The following ANKS1A variants were observed in gnomAD, a reference collection of about 807,000 sequenced individuals.
The protein encoded by ANKS1A is ankyrin repeat and SAM domain-containing protein 1A.
A neutral mutation model predicts 120.3 loss-of-function variants in ANKS1A; 55 were observed. The ratio of observed to expected loss-of-function variants is 0.46; its 90% CI spans 0.37 to 0.57. ANKS1A has a LOEUF of 0.57. Among genes scored for constraint, ANKS1A ranks in the 20% least tolerant of loss-of-function variants. The pLI, the probability that ANKS1A is intolerant of heterozygous loss-of-function variation, is 0.00. For synonymous variants in ANKS1A, 590 were observed against 604.7 expected, an observed-to-expected ratio of 0.98 and a Z score of 0.36; for missense variants, 1,123 against 1,480.3, an observed-to-expected ratio of 0.76 and a Z score of 3.96.
Position 35,087,024 on chromosome 6 carries a change from G to T in ANKS1A, c.3376G>T (p.Asp1126Tyr). The T allele has an allele frequency of 1.2e-6, 2 of 1,614,180 alleles. No individual in the cohort carries two copies. The highest frequency in any genetic ancestry group is 1.7e-6 in the Non-Finnish European group (2 of 1,180,014). ...SVSWVVDPKPDSKRSLSTN is the reference protein window; with the variant it reads ...SVSWVVDPKPYSKRSLSTN ...CTCCTGGGTTGTGGACCCCAAACCA[G>T]ACTCTAAGCGGAGCCTCAGCACCAA... Residue 1126 changes from aspartate (D) to tyrosine (Y), a missense_variant, in exon 23 of 24, where the codon GAC becomes TAC. Asp to Tyr is a radical substitution (Grantham distance 160). Around this residue, in one of 3 missense-constraint regions of ANKS1A, gnomAD observed 904 missense variants for 1,130.4 expected, o/e 0.80. Transcript: ENST00000360359.
chr6:34,924,357 A>G (rs565676650), intron 1 of ANKS1A, among the ~76,000 whole-genome samples: 8 of 152,266 alleles, frequency 5.3e-5, no homozygotes, highest in Admixed American at 1.3e-4. Context: ...ATTTGTATAC[A>G]TTCTCTACTC....
At position 35,083,193 on chromosome 6, in the gene ANKS1A, A is replaced by G; in HGVS notation, c.2874A>G (p.Thr958=). The G allele has an allele frequency of 6.2e-7, 1 of 1,614,168 alleles. No individual in the cohort carries two copies. Among genetic ancestry groups the G allele is most frequent in the Non-Finnish European group, 8.5e-7 (1 of 1,180,026 alleles). Residue 958 remains threonine (T), a synonymous_variant, in exon 19 of 24, where the codon ACA becomes ACG. Coordinates refer to ENST00000360359, the MANE Select transcript of ANKS1A (RefSeq NM_015245.3). The part of the protein sequence containing the change: ...GSMLIKDLRG[T]ESTQDACAKM... ...TGCTGATCAAAGATCTGCGAGGGAC[A>G]GAATCCACGCAAGACGCCTGTGCCA...
chr6:35,044,524 C>A lies in ANKS1A; in HGVS notation c.2011-9575C>A, dbSNP rs910405490. ...AGCAGGCCTGAGTTGAGACCCTGTT[C>A]CCTCTCCTCACTTTGGTATTGTCTT... On this transcript the variant is annotated intron_variant, in intron 11 of 23. Coordinates refer to ENST00000360359, the MANE Select transcript of ANKS1A (RefSeq NM_015245.3). The surrounding 1 kb of genome is among the most constrained non-coding windows in gnomAD (Gnocchi z 4.4). Among the ~76,000 whole-genome samples the A allele has an allele frequency of 6.6e-6, 1 of 152,228 alleles. No individual in the cohort carries two copies. The highest frequency in any genetic ancestry group is 1.5e-5 in the Non-Finnish European group (1 of 68,044).
At chr6:35,070,822 T>C in intron 13 of ANKS1A, 1 of 518,812 alleles carries the variant, frequency 1.9e-6, no homozygotes, top group South Asian at 1.7e-5. Flanking sequence ...CCTTTCTTTT[T>C]TCTTTGTGTG....
intron 1 of ANKS1A, among the ~76,000 whole-genome samples, chr6:34,903,762 G>T (rs1027688153): frequency 5.3e-5 from 8 of 152,112 alleles, no homozygotes; most frequent in Non-Finnish European, 1.2e-4. Context: ...TGAGCCACCC[G>T]CCTCGGCCTT....
At chr6:34,968,997 T>C (rs893888217) in intron 2 of ANKS1A, among the ~76,000 whole-genome samples, 3 of 152,236 alleles carry the variant, frequency 2.0e-5, no homozygotes, top group Non-Finnish European at 4.4e-5. Flanking sequence ...TAGAGAACAC[T>C]GTTCCCATAT....
chr6:34,893,003 A>G (rs969885084), intron 1 of ANKS1A, among the ~76,000 whole-genome samples: 1 of 152,212 alleles, frequency 6.6e-6, no homozygotes, highest in Non-Finnish European at 1.5e-5. Flanking sequence ...AGCATTAAGC[A>G]TGTTATAGCA....
chr6:35,085,970 C>T lies in ANKS1A; in HGVS notation c.3303+34C>T, dbSNP rs1777953672. ...GCCCCACTGGCCAAGATCCCCCTCT[C>T]CCTGGCCCCAGGGATTCAAGGGCTC... On this transcript the variant is annotated intron_variant, in intron 22 of 23. Coordinates refer to ENST00000360359, the MANE Select transcript of ANKS1A (RefSeq NM_015245.3). The surrounding 1 kb of genome is among the most constrained non-coding windows in gnomAD (Gnocchi z 4.7). The T allele has an allele frequency of 6.4e-7, 1 of 1,560,664 alleles. No individual in the cohort carries two copies. Among genetic ancestry groups the T allele is most frequent in the Non-Finnish European group, 8.6e-7 (1 of 1,157,612 alleles).
chr6:34,916,780 G>C (rs778160900), intron 1 of ANKS1A, among the ~76,000 whole-genome samples: 1 of 152,034 alleles, frequency 6.6e-6, no homozygotes, highest in Non-Finnish European at 1.5e-5. Context: ...AAAAATAAAG[G>C]CAAAAAATAA....
At chr6:34,900,171 T>G (rs749853526) in intron 1 of ANKS1A, among the ~76,000 whole-genome samples, 1 of 152,206 alleles carries the variant, frequency 6.6e-6, no homozygotes, top group Non-Finnish European at 1.5e-5. Flanking sequence ...AGAGAGAGGT[T>G]AAAGTGACTA....
intron 1 of ANKS1A, among the ~76,000 whole-genome samples, chr6:34,953,373 G>A (rs1770184833): frequency 6.6e-6 from 1 of 152,172 alleles, no homozygotes; most frequent in African/African-American, 2.4e-5. Flanking sequence ...GCTCAACACT[G>A]AATATCAATT....
At chr6:34,932,126 A>C (rs1006327024) in intron 1 of ANKS1A, among the ~76,000 whole-genome samples, 1 of 152,186 alleles carries the variant, frequency 6.6e-6, no homozygotes. Context: ...TCGAGCCTCA[A>C]ATCTGCCTTG....
At chr6:34,949,808 C>T (rs1190028773) in intron 1 of ANKS1A, among the ~76,000 whole-genome samples, 1 of 152,158 alleles carries the variant, frequency 6.6e-6, no homozygotes, top group Non-Finnish European at 1.5e-5. Context: ...TGTGAGCAAG[C>T]TTGTTCTTAG....
At chr6:35,081,392 G>T (rs1043384710) in intron 17 of ANKS1A, among the ~76,000 whole-genome samples, 1 of 152,126 alleles carries the variant, frequency 6.6e-6, no homozygotes, top group African/African-American at 2.4e-5. Context: ...AGCTGCTGGG[G>T]CCACTCCTGT....
intron 10 of ANKS1A, among the ~76,000 whole-genome samples, chr6:35,000,059 AC>A (rs1384951872): frequency 6.6e-6 from 1 of 152,146 alleles, no homozygotes; most frequent in Non-Finnish European, 1.5e-5. Flanking sequence ...TAAATTTGAA[AC>A]CTATAATTGA....
chr6:35,017,209 G>A (rs1191427445), intron 10 of ANKS1A, among the ~76,000 whole-genome samples: 4 of 152,142 alleles, frequency 2.6e-5, no homozygotes, highest in Non-Finnish European at 5.9e-5. Flanking sequence ...CAACAGGGAA[G>A]GCTGCCAGAT....
chr6:35,054,570 CA>C (rs1157478716), intron 12 of ANKS1A, among the ~76,000 whole-genome samples: 3 of 152,312 alleles, frequency 2.0e-5, no homozygotes, highest in African/African-American at 7.2e-5. Flanking sequence ...TGGGTTAGAC[CA>C]GGGGTCTCAG....
At chr6:34,964,644 T>C (rs1282234903) in intron 1 of ANKS1A, among the ~76,000 whole-genome samples, 4 of 152,220 alleles carry the variant, frequency 2.6e-5, no homozygotes, top group African/African-American at 4.8e-5. Context: ...TGCTTGCCTA[T>C]GGATAGACAT....
Position 34,889,622 on chromosome 6 carries a change from C to T in ANKS1A, c.197+23C>T. 1.6e-6 allele frequency: 2 copies of T among 1,281,318 alleles called. No homozygotes were observed. Among genetic ancestry groups the T allele is most frequent in the Non-Finnish European group, 2.0e-6 (2 of 1,018,854 alleles). 79.4% of individuals were successfully genotyped at this position (1,281,318 alleles called of 1,614,324 possible). A position where few individuals can be genotyped will look rare whatever the true frequency, so the allele number is the denominator to read the frequency against. On this transcript the variant is annotated intron_variant, in intron 1 of 23. Transcript: ENST00000360359. This position sits in a 1 kb window ranked among gnomAD's most constrained non-coding sequence, Gnocchi z 5.5. ...CAGGTGGGTACGCGCCAGGGCCGGG[C>T]CGCTGCCTGCAGACCCTTTCTCCCC...
Sources: gnomAD v4.1 joint callset for allele counts (sites outside exome capture counted in the v4.1 genomes callset) on GRCh38, gnomAD v4.1.1 for gene constraint, gnomAD v4.1.1 regional missense constraint, Gnocchi (gnomAD v3.1) non-coding constraint, MANE v1.5 for transcripts, NCBI Gene and HGNC (gene_info 2026-07-23, HGNC 2026-07-21) for gene names.